Variants in EFR3A observed in about 807,000 individuals in gnomAD.
EFR3A encodes EFR3 homolog A.
A neutral mutation model predicts 104.4 loss-of-function variants in EFR3A; 76 were observed. The ratio of observed to expected loss-of-function variants is 0.73; its 90% CI spans 0.60 to 0.88. EFR3A has a LOEUF of 0.88. Among genes scored for constraint, EFR3A ranks in the 40% least tolerant of loss-of-function variants. The pLI, the probability that EFR3A is intolerant of heterozygous loss-of-function variation, is 0.00. For missense variants in EFR3A, 985 were observed against 1,012.5 expected (o/e 0.97, Z 0.37); for synonymous variants, 330 against 330.0 (o/e 1.00, Z 0.00).
chr8:131,945,947 C>T (rs571910725), intron 3 of EFR3A, among the ~76,000 whole-genome samples: 86 of 152,158 alleles, frequency 5.7e-4, no homozygotes, highest in South Asian at 1.2e-3. Context: ...ACCCTGCCCT[C>T]GCAACCGCAC....
chr8:131,941,446 A>G (rs1437901664), intron 2 of EFR3A, among the ~76,000 whole-genome samples: 3 of 152,126 alleles, frequency 2.0e-5, no homozygotes, highest in African/African-American at 4.8e-5. Flanking sequence ...ATGTTGATGT[A>G]TCTTATTTTT....
intron 22 of EFR3A, among the ~76,000 whole-genome samples, chr8:132,007,206 A>C (rs1414149611): frequency 6.6e-6 from 1 of 151,936 alleles, no homozygotes; most frequent in Non-Finnish European, 1.5e-5. Context: ...CTTTTCACAG[A>C]TGACATGGTT....
At chr8:132,008,846 CAAAAAAAAAAAAAAA>C (rs55964352) in intron 22 of EFR3A, among the ~76,000 whole-genome samples, 3 of 32,166 alleles carry the variant, frequency 9.3e-5, no homozygotes, top group East Asian at 5.5e-4. Context: ...AACTCCATCT[CAAAAAAAAAAAAAAA>C]AAAAAAAAAA....
chr8:131,993,233 T>C (rs1365644684), intron 18 of EFR3A, among the ~76,000 whole-genome samples: 1 of 152,208 alleles, frequency 6.6e-6, no homozygotes, highest in Non-Finnish European at 1.5e-5. Flanking sequence ...AAGTTCTTAA[T>C]GGTTTGAAAC....
intron 1 of EFR3A, among the ~76,000 whole-genome samples, chr8:131,911,280 A>G (rs1174323515): frequency 6.6e-6 from 1 of 152,140 alleles, no homozygotes; most frequent in Non-Finnish European, 1.5e-5. Flanking sequence ...TTTTCCCCCT[A>G]ACCTTTTAAC....
intron 1 of EFR3A, among the ~76,000 whole-genome samples, chr8:131,937,218 G>T (rs1340061089): frequency 1.3e-5 from 2 of 151,940 alleles, no homozygotes; most frequent in East Asian, 1.9e-4. Context: ...GTTACTTCAG[G>T]AGTATGTAAA....
intron 22 of EFR3A, 47 bp from the exon 23 acceptor site, chr8:132,010,743 C>A (rs757270282): frequency 4.4e-6 from 7 of 1,592,676 alleles, no homozygotes; most frequent in Admixed American, 1.7e-5. Flanking sequence ...GTGAAATGAA[C>A]AGCTTGTAAG....
chr8:131,962,186 C>T (rs1484617574), intron 8 of EFR3A, among the ~76,000 whole-genome samples: 8 of 152,168 alleles, frequency 5.3e-5, no homozygotes, highest in Non-Finnish European at 1.0e-4. Flanking sequence ...ATCATAATGA[C>T]AGGATCAAAT....
chr8:131,965,859 C>T (rs1819687173), intron 8 of EFR3A, among the ~76,000 whole-genome samples: 1 of 152,052 alleles, frequency 6.6e-6, no homozygotes, highest in South Asian at 2.1e-4. Context: ...GGCACATATA[C>T]ACCATGGAAT....
At chr8:131,956,322 A>C (rs189809398) in intron 7 of EFR3A, among the ~76,000 whole-genome samples, 1 of 152,174 alleles carries the variant, frequency 6.6e-6, no homozygotes, top group Non-Finnish European at 1.5e-5. Flanking sequence ...CTTAGATCGC[A>C]TTCACATCTC....
chr8:131,910,265 T>A (rs777766370), intron 1 of EFR3A, among the ~76,000 whole-genome samples: 17 of 152,190 alleles, frequency 1.1e-4, no homozygotes, highest in Non-Finnish European at 2.4e-4. Flanking sequence ...CAAAAACAGC[T>A]GCAGCCATCT....
intron 16 of EFR3A, 147 bp from the exon 17 acceptor site, chr8:131,986,047 A>G: frequency 2.2e-6 from 1 of 463,976 alleles, no homozygotes; most frequent in Non-Finnish European, 3.8e-6. Context: ...TTTGGGCTGT[A>G]AACTTAGCTT....
intron 18 of EFR3A, among the ~76,000 whole-genome samples, chr8:131,990,241 C>A (rs146604128): frequency 6.6e-6 from 1 of 152,310 alleles, no homozygotes; most frequent in East Asian, 1.9e-4. Context: ...AAGTTAATTT[C>A]ATTATATAAT....
intron 1 of EFR3A, among the ~76,000 whole-genome samples, chr8:131,930,834 C>T (rs1159755737): frequency 6.6e-6 from 1 of 152,032 alleles, no homozygotes; most frequent in African/African-American, 2.4e-5. Flanking sequence ...CATTTGGTCT[C>T]CTGGTTCTTT....
rs774764223 is a variant in EFR3A, at chr8:131,996,406, A to T, written c.2066A>T (p.Asp689Val). ...LSVPYVPQVT[D>V]EDRLSRRKSI... ...TGGGAAGAAAACAATTTTATTTTAG[A>T]TGAAGATCGACTTTCTAGAAGAAAA... Residue 689 changes from aspartate to valine, a missense_variant and splice_region_variant, in exon 19 of 23, where the codon GAT (aspartate) becomes GTT (valine). Coordinates refer to ENST00000254624, the MANE Select transcript of EFR3A (RefSeq NM_015137.6). The T allele has an allele frequency of 3.2e-6, 5 of 1,566,468 alleles. No homozygotes were observed. The highest frequency in any genetic ancestry group is 4.3e-6 in the Non-Finnish European group (5 of 1,151,850).
chr8:131,909,194 A>G (rs1392872), intron 1 of EFR3A, among the ~76,000 whole-genome samples: 129,575 of 152,192 alleles, frequency 0.85, 55,272 homozygotes, highest in East Asian at 0.93. Flanking sequence ...CTGGAGTCAG[A>G]TAAGTTATTC....
intron 1 of EFR3A, chr8:131,938,318 A>G (rs536898081): frequency 1.3e-4 from 52 of 397,706 alleles, no homozygotes; most frequent in Admixed American, 5.7e-4. Flanking sequence ...ATACTTGAGT[A>G]GGTCCAATGA....
At chr8:131,972,104 G>A (rs1190338125) in intron 10 of EFR3A, among the ~76,000 whole-genome samples, 4 of 152,026 alleles carry the variant, frequency 2.6e-5, no homozygotes, top group Admixed American at 2.6e-4. Flanking sequence ...TATGTATGTA[G>A]GAATGCATGT....
At chr8:131,970,288 TATA>T (rs1204748991) in intron 9 of EFR3A, among the ~76,000 whole-genome samples, 185 bp from the exon 10 acceptor site, 2 of 152,118 alleles carry the variant, frequency 1.3e-5, no homozygotes, top group East Asian at 3.8e-4. Flanking sequence ...TGTTTGTTGT[TATA>T]ATGAGTGTCT....
Sources: allele counts gnomAD v4.1 joint callset (sites outside exome capture counted in the v4.1 genomes callset), GRCh38; gene constraint gnomAD v4.1.1; transcripts MANE v1.5; gene names NCBI Gene and HGNC (gene_info 2026-07-23, HGNC 2026-07-21).